The following CR1 variants were observed in gnomAD, a reference collection of about 807,000 sequenced individuals.
CR1 encodes complement receptor type 1.
A neutral mutation model predicts 187.3 loss-of-function variants in CR1; 116 were observed. The ratio of observed to expected loss-of-function variants is 0.62; its 90% CI spans 0.53 to 0.72. The LOEUF is 0.72. Ranked by LOEUF, CR1 falls within the 30% of genes least tolerant of loss-of-function variation. The probability of loss-of-function intolerance (pLI) is 0.00; values close to 1 mark genes in which losing one functional copy is unlikely to be tolerated. For synonymous variants in CR1, 576 were observed against 747.1 expected (o/e 0.77, Z 3.73); for missense variants, 1,731 against 2,110.7 (o/e 0.82, Z 3.52).
At chr1:207,591,643 A>G (rs1005436870) in intron 35 of CR1, among the ~76,000 whole-genome samples, 2 of 152,222 alleles carry the variant, frequency 1.3e-5, no homozygotes, top group Non-Finnish European at 2.9e-5. Context: ...AACCCTTCAA[A>G]AAATCAATGA....
intron 3 of CR1, among the ~76,000 whole-genome samples, chr1:207,510,764 TCCTC>T (rs1252473120): frequency 1.3e-5 from 2 of 150,526 alleles, no homozygotes; most frequent in Non-Finnish European, 3.0e-5. Context: ...CTTCCTTCCT[TCCTC>T]CCTCCCTTCC....
At chr1:207,524,677 C>T (rs145561344) in intron 5 of CR1, among the ~76,000 whole-genome samples, 2,369 of 151,996 alleles carry the variant, frequency 0.016, 92 homozygotes, top group African/African-American at 0.054. Flanking sequence ...CATGAGCCAC[C>T]GTGCCCGGCC....
In CR1 at chr1:207,506,633, C is replaced by T. The variant is rs3958440; in HGVS notation, c.302-81C>T. ...ACTGCGTGTGTTCCTCAGTAAGCTACAGGCAGGTTGAGACCTTATGTACTA... is the reference window on the plus strand; with the variant it reads ...ACTGCGTGTGTTCCTCAGTAAGCTATAGGCAGGTTGAGACCTTATGTACTA... On this transcript the variant is annotated intron_variant, in intron 2 of 46. Transcript: ENST00000367049. The T allele has an allele frequency of 5.9e-4, 659 of 1,125,906 alleles. 5 individuals are homozygous for T. Among genetic ancestry groups the T allele is most frequent in the African/African-American group, 4.6e-3 (298 of 64,594 alleles). The allele number at this position is 1,125,906 out of a possible 1,614,324, so 69.7% of individuals were successfully genotyped here.
Position 207,575,669 on chromosome 1 carries a change from C to A in CR1, c.4526C>A (p.Pro1509Gln). ...GNTAHWSTKP[P>Q]ICQRIPCGLP... Reference sequence around the variant, plus strand: ...ACTGCCCATTGGAGCACGAAGCCGCCAATTTGTCAACGTGAGTTGAAATCT... The same window carrying A: ...ACTGCCCATTGGAGCACGAAGCCGCAAATTTGTCAACGTGAGTTGAAATCT... Residue 1509 changes from proline (P) to glutamine (Q), a missense_variant, in exon 28 of 47, where the codon CCA becomes CAA. Around this residue, in one of 5 missense-constraint regions of CR1, gnomAD observed 1,312 missense variants for 1,379.6 expected, o/e 0.95. Coordinates refer to ENST00000367049, the MANE Select transcript of CR1 (RefSeq NM_000651.6). 1 of 1,611,834 alleles carries A rather than the reference C, an allele frequency of 6.2e-7. No individual in the cohort carries two copies.
chr1:207,635,418 G>T (rs1662782989), intron 46 of CR1, among the ~76,000 whole-genome samples: 1 of 152,148 alleles, frequency 6.6e-6, no homozygotes, highest in African/African-American at 2.4e-5. Flanking sequence ...TAACTGCTGT[G>T]CTTTAGATAT....
At chr1:207,515,173 A>G (rs1659758859) in intron 4 of CR1, among the ~76,000 whole-genome samples, 1 of 13,756 alleles carries the variant, frequency 7.3e-5, no homozygotes, top group Non-Finnish European at 2.9e-4. Flanking sequence ...ATATATAGGT[A>G]TATACATATA....
chr1:207,636,701 T>C (rs550848788), intron 46 of CR1, among the ~76,000 whole-genome samples: 1 of 151,954 alleles, frequency 6.6e-6, no homozygotes, highest in African/African-American at 2.4e-5. Context: ...ATTAATCCCA[T>C]AATCACTGTA....
Position 207,639,578 on chromosome 1 carries a change from C to A in CR1, c.*169C>A. On this transcript the variant is annotated 3_prime_UTR_variant, in exon 47 of 47. Coordinates refer to ENST00000367049, the MANE Select transcript of CR1 (RefSeq NM_000651.6). ...GCCCCTTCCCTGGTACCTAGCAAAGCTCCTGCCTCTTTGTGTGCGTCACTG... is the reference window on the plus strand; with the variant it reads ...GCCCCTTCCCTGGTACCTAGCAAAGATCCTGCCTCTTTGTGTGCGTCACTG... 1 of 618,150 alleles carries A rather than the reference C, an allele frequency of 1.6e-6. No homozygotes were observed. The highest frequency in any genetic ancestry group is 2.1e-5 in the South Asian group (1 of 47,764). 38.3% of individuals were successfully genotyped at this position (618,150 alleles called of 1,614,324 possible). A position where few individuals can be genotyped will look rare whatever the true frequency, so the allele number is the denominator to read the frequency against.
At chr1:207,575,934 CTTCTG>C (rs1201578919) in intron 28 of CR1, among the ~76,000 whole-genome samples, 1 of 152,140 alleles carries the variant, frequency 6.6e-6, no homozygotes, top group Non-Finnish European at 1.5e-5. Context: ...CCAATGTCCT[CTTCTG>C]TTGGTTGAGC....
Position 207,620,083 on chromosome 1 carries a change from G to A in CR1, c.7252+18G>A, listed in dbSNP as rs775723802. On this transcript the variant is annotated intron_variant, in intron 43 of 46. Transcript: ENST00000367049. The stretch of plus-strand genomic sequence containing the variant: ...TACCTCTCGTAAGTGCAAGTGCAAG[G>A]AATGTGGGATCTTCCCGGTCATGGT... 2 of 1,599,220 alleles carry A rather than the reference G, an allele frequency of 1.3e-6. No homozygotes were observed. The highest frequency in any genetic ancestry group is 1.8e-5 in the Admixed American group (1 of 55,830).
chr1:207,513,762 C>CCCTCCCTCCCTTCCTTCCTT (rs1553287503), intron 4 of CR1, among the ~76,000 whole-genome samples: 1 of 99,138 alleles, frequency 1.0e-5, no homozygotes, highest in African/African-American at 4.0e-5. Context: ...CTCCCTCCCT[C>CCCTCCCTCCCTTCCTTCCTT]CCTTCCTTCC....
rs780093897 is a variant in CR1, at chr1:207,496,366, G to T, written c.99G>T (p.Leu33=). ...CGGSLLAVVV[L]LALPVAWGQC... is the part of the protein sequence containing the mutation. The stretch of plus-strand genomic sequence containing the variant: ...GATCCCTGCTGGCGGTTGTGGTGCT[G>T]CTTGCGCTGCCGGTGGCCTGGGGTG... Residue 33 remains leucine (L), a synonymous_variant, in exon 1 of 47, where the codon CTG becomes CTT. Coordinates refer to ENST00000367049, the MANE Select transcript of CR1 (RefSeq NM_000651.6). The T allele has an allele frequency of 6.2e-7, 1 of 1,610,812 alleles. No individual in the cohort carries two copies. The highest frequency in any genetic ancestry group is 8.5e-7 in the Non-Finnish European group (1 of 1,179,112).
chr1:207,518,535 C>T (rs1272854304), intron 4 of CR1, among the ~76,000 whole-genome samples: 4 of 152,196 alleles, frequency 2.6e-5, no homozygotes, highest in Non-Finnish European at 5.9e-5. Context: ...GAGAAATTTA[C>T]TCTCTTAACA....
At chr1:207,504,681 G>C (rs1166932155) in intron 1 of CR1, among the ~76,000 whole-genome samples, 1 of 152,178 alleles carries the variant, frequency 6.6e-6, no homozygotes, top group Non-Finnish European at 1.5e-5. Flanking sequence ...GCTGTGAAAT[G>C]CACCTTATCC....
intron 35 of CR1, among the ~76,000 whole-genome samples, chr1:207,603,501 T>A (rs1661663932): frequency 6.6e-6 from 1 of 152,168 alleles, no homozygotes; most frequent in African/African-American, 2.4e-5. Context: ...AATTGTTCTG[T>A]CTGCATATAG....
chr1:207,586,976 C>T (rs1024444212), intron 33 of CR1, among the ~76,000 whole-genome samples: 1 of 152,170 alleles, frequency 6.6e-6, no homozygotes, highest in Non-Finnish European at 1.5e-5. Flanking sequence ...AGAGAGGCAG[C>T]TTATGATGGG....
intron 1 of CR1, among the ~76,000 whole-genome samples, chr1:207,499,755 AG>A (rs1280470781): frequency 1.3e-5 from 2 of 152,218 alleles, no homozygotes; most frequent in African/African-American, 4.8e-5. Context: ...GCAAGATAGA[AG>A]GGAAGTTCCA....
intron 24 of CR1, among the ~76,000 whole-genome samples, chr1:207,567,094 A>G (rs1344614629): frequency 6.7e-6 from 1 of 150,318 alleles, no homozygotes; most frequent in African/African-American, 2.5e-5. Context: ...TCCAAATGCC[A>G]GTTCTAATGA....
At chr1:207,618,343 G>A (rs1227184236) in intron 42 of CR1, 96 bp downstream of exon 42, 2 of 1,137,692 alleles carry the variant, frequency 1.8e-6, no homozygotes, top group South Asian at 1.9e-5. Context: ...TTAATGAAAG[G>A]GATAATATTT....
Sources: allele counts gnomAD v4.1 joint callset (sites outside exome capture counted in the v4.1 genomes callset), GRCh38; gene constraint gnomAD v4.1.1; regional missense constraint gnomAD v4.1.1; transcripts MANE v1.5; gene names NCBI Gene and HGNC (gene_info 2026-07-23, HGNC 2026-07-21).